Variants in PPP2R2B observed in about 807,000 individuals in gnomAD.
PPP2R2B encodes protein phosphatase 2 regulatory subunit Bbeta, also known as serine/threonine-protein phosphatase 2A 55 kDa regulatory subunit B beta isoform.
A neutral mutation model predicts 46.0 loss-of-function variants in PPP2R2B; 5 were observed. The observed-to-expected ratio is 0.11, with a 90% confidence interval of 0.06 to 0.23. The LOEUF is 0.23. Ranked by LOEUF, PPP2R2B falls within the 10% of genes least tolerant of loss-of-function variation. PPP2R2B has a pLI of 1.00. For synonymous variants in PPP2R2B, 215 were observed against 206.7 expected, an observed-to-expected ratio of 1.04 and a Z score of -0.34; for missense variants, 367 against 575.0, an observed-to-expected ratio of 0.64 and a Z score of 3.70.
chr5:146,700,978 A>G (rs1779499839), intron 3 of PPP2R2B, 67 bp downstream of exon 3: 2 of 1,380,456 alleles, frequency 1.4e-6, no homozygotes, highest in African/African-American at 2.9e-5. Context: ...CATAAGGATT[A>G]AGGAACAGTA....
chr5:146,651,621 G>C (rs527779699), intron 5 of PPP2R2B, among the ~76,000 whole-genome samples: 1 of 152,084 alleles, frequency 6.6e-6, no homozygotes, highest in South Asian at 2.1e-4. Flanking sequence ...GCCTGAGAGG[G>C]AACAAACTAA....
chr5:146,893,289 T>A (rs1285037790), intron 1 of PPP2R2B, among the ~76,000 whole-genome samples: 1 of 152,230 alleles, frequency 6.6e-6, no homozygotes, highest in Non-Finnish European at 1.5e-5. Flanking sequence ...GTGTCAGTTA[T>A]GTAGCTTTTA....
intron 1 of PPP2R2B, among the ~76,000 whole-genome samples, chr5:146,911,108 G>A (rs943312680): frequency 1.4e-5 from 2 of 147,760 alleles, no homozygotes; most frequent in Non-Finnish European, 3.0e-5. Context: ...TTTTGAGATG[G>A]AGTCTTGTTT....
chr5:146,608,086 A>G (rs1314792651), intron 7 of PPP2R2B, among the ~76,000 whole-genome samples: 2 of 152,212 alleles, frequency 1.3e-5, no homozygotes, highest in African/African-American at 4.8e-5. Context: ...TGTGAGTCAG[A>G]CTTGGCTGTA....
At chr5:146,833,788 A>G (rs1004248183) in intron 2 of PPP2R2B, among the ~76,000 whole-genome samples, 1 of 140,024 alleles carries the variant, frequency 7.1e-6, no homozygotes, top group Non-Finnish European at 1.5e-5. Flanking sequence ...TGACAACTTC[A>G]AACATTTAAT....
In PPP2R2B at chr5:146,630,330, T is replaced by G. The variant is rs573491521; in HGVS notation, c.790+7921A>C. 1.6e-4 allele frequency among the ~76,000 whole-genome samples: 25 copies of G among 152,366 alleles called. No individual in the cohort carries two copies. The South Asian group carries it at 5.2e-3, about 32-fold the overall frequency. On this transcript the variant is annotated intron_variant, in intron 7 of 9. Transcript: ENST00000394411. ...TGCTAATTTTCTTACAGCTTTTTTA[T>G]CATGTCTGAAATGACCTCGGTTATT...
intron 2 of PPP2R2B, among the ~76,000 whole-genome samples, chr5:146,731,975 TTGA>T (rs1455933958): frequency 3.3e-5 from 5 of 152,194 alleles, no homozygotes; most frequent in Non-Finnish European, 1.5e-5. Context: ...TCCCACTAAC[TTGA>T]TGATTAAGAT....
At chr5:146,840,748 T>C (rs1182944877) in intron 2 of PPP2R2B, among the ~76,000 whole-genome samples, 1 of 152,250 alleles carries the variant, frequency 6.6e-6, no homozygotes, top group Non-Finnish European at 1.5e-5. Context: ...GTATAGTATA[T>C]GTAGCATAGA....
chr5:146,839,350 G>T (rs1582235756), intron 2 of PPP2R2B, among the ~76,000 whole-genome samples: 1 of 152,044 alleles, frequency 6.6e-6, no homozygotes, highest in African/African-American at 2.4e-5. Context: ...GTGAAACCTT[G>T]TCTTTACTAA....
chr5:147,006,501 C>G (rs1028234216), intron 1 of PPP2R2B, among the ~76,000 whole-genome samples: 2 of 152,268 alleles, frequency 1.3e-5, no homozygotes, highest in Non-Finnish European at 1.5e-5. Flanking sequence ...TCAAGTCCAT[C>G]AATGCAGGGG....
chr5:146,678,733 T>C (rs1326217715), intron 5 of PPP2R2B, among the ~76,000 whole-genome samples: 1 of 147,600 alleles, frequency 6.8e-6, no homozygotes, highest in Admixed American at 6.7e-5. Flanking sequence ...ATCACAAGCA[T>C]TCTTATACAC....
chr5:146,621,488 C>T (rs750532417), intron 7 of PPP2R2B, among the ~76,000 whole-genome samples: 6 of 152,292 alleles, frequency 3.9e-5, no homozygotes, highest in East Asian at 1.9e-4. Flanking sequence ...CAGACACTGG[C>T]GGCCCCACAC....
In PPP2R2B at chr5:146,840,970, T is replaced by C. The variant is rs185832241; in HGVS notation, c.70+37032A>G. Among the ~76,000 whole-genome samples the C allele has an allele frequency of 2.0e-4, 31 of 152,316 alleles. No homozygotes were observed. In the East Asian group the frequency reaches 5.8e-3, roughly 28 times the overall value. On this transcript the variant is annotated intron_variant, in intron 2 of 9. Transcript: ENST00000394411. ...AGAGATGAAACAAGACAAATATGTA[T>C]TAAACATTAGTGGCCAATATGCTGT... is the stretch of plus-strand genomic sequence containing the variant.
At chr5:146,702,757 C>T (rs1378824483) in intron 2 of PPP2R2B, among the ~76,000 whole-genome samples, 1 of 152,214 alleles carries the variant, frequency 6.6e-6, no homozygotes, top group Non-Finnish European at 1.5e-5. Flanking sequence ...CAGTTTATGA[C>T]TTCTAATGTA....
chr5:146,914,143 ACATT>A (rs1276243403), intron 1 of PPP2R2B: 2 of 152,228 alleles, frequency 1.3e-5, no homozygotes, highest in African/African-American at 4.8e-5. Flanking sequence ...ACAATTCATG[ACATT>A]CATTATTTCA....
rs190085543 is a variant in PPP2R2B at position 146,995,544 on chromosome 5, C to T, written c.79+60121G>A. On this transcript the variant is annotated intron_variant, in intron 1 of 8. Coordinates refer to the PPP2R2B transcript ENST00000336640. ...CTCTGAAGCAAATAGTAATACTCTG[C>T]CAAAAAATGGAAAAGAAATAAAGGT... 3.5e-3 allele frequency among the ~76,000 whole-genome samples: 537 copies of T among 152,184 alleles called. 6 individuals are homozygous for T. The highest frequency in any genetic ancestry group is 0.012 in the African/African-American group (499 of 41,506).
intron 2 of PPP2R2B, among the ~76,000 whole-genome samples, chr5:146,845,713 C>T (rs949125132): frequency 7.2e-5 from 11 of 152,120 alleles, no homozygotes; most frequent in South Asian, 2.1e-4. Context: ...ACAGTGAGTG[C>T]GTGAAAAATA....
chr5:146,652,993 C>T (rs1203140301), intron 5 of PPP2R2B, among the ~76,000 whole-genome samples: 1 of 152,116 alleles, frequency 6.6e-6, no homozygotes, highest in Non-Finnish European at 1.5e-5. Flanking sequence ...AAAAAAGTGA[C>T]TTTGCCCTGA....
intron 2 of PPP2R2B, among the ~76,000 whole-genome samples, chr5:147,075,046 T>C (rs1186333414): frequency 1.3e-5 from 2 of 152,212 alleles, no homozygotes; most frequent in Non-Finnish European, 2.9e-5. Context: ...AATGGTTATA[T>C]GCTGTAGCTG....
Sources: allele counts gnomAD v4.1 joint callset (sites outside exome capture counted in the v4.1 genomes callset), GRCh38; gene constraint gnomAD v4.1.1; transcripts MANE v1.5; gene names NCBI Gene and HGNC (gene_info 2026-07-23, HGNC 2026-07-21).